The following TENM3 variants were observed in gnomAD, a reference collection of about 807,000 sequenced individuals.
The protein encoded by TENM3 is teneurin-3.
Under a neutral mutation model 255.1 loss-of-function variants are expected in TENM3, and 63 were observed. The observed-to-expected ratio is 0.25, with a 90% CI of 0.20 to 0.30. TENM3 has a LOEUF of 0.30. TENM3 is among the 10% of genes least tolerant of loss of function. TENM3 has a pLI of 1.00. For missense variants in TENM3, 2,929 were observed against 3,461.1 expected, an observed-to-expected ratio of 0.85 and a Z score of 3.86; for synonymous variants, 1,306 against 1,322.3, an observed-to-expected ratio of 0.99 and a Z score of 0.27.
At position 182,202,944 on chromosome 4, in the gene TENM3, G is replaced by A. The variant is rs543372274; in HGVS notation, c.-76+58190G>A. On this transcript the variant is annotated intron_variant, in intron 1 of 2. Coordinates refer to the TENM3 transcript ENST00000512480. ...ATGAAAATGGGCTCAGGCCGGGTGC[G>A]GTGGCTCAAGCCTGTAATCCCAGCA... Among the ~76,000 whole-genome samples, 8 of 152,136 alleles carry A rather than the reference G, an allele frequency of 5.3e-5. No homozygotes were observed. The South Asian group carries it at 6.2e-4, about 12-fold the overall frequency.
rs761984072 is a variant in TENM3 at position 182,792,664 on chromosome 4, C to T, written c.5992C>T (p.Pro1998Ser). 1 of 1,613,796 alleles carries T rather than the reference C, an allele frequency of 6.2e-7. No individual in the cohort carries two copies. The highest frequency in any genetic ancestry group is 1.3e-5 in the African/African-American group (1 of 74,906). ...CACCATTAGATACAGGCAAATTGGT[C>T]CCCTGATTGACAGGCAGATTTTCCG... ...ICTIRYRQIGPLIDRQIFRFS... is the reference protein window; with the variant it reads ...ICTIRYRQIGSLIDRQIFRFS... The change falls in exon 26 of 28, where the codon CCC (proline) becomes TCC (serine). Residue 1998 changes from proline to serine, a missense_variant. Physicochemically the swap from Pro to Ser is moderately conservative, Grantham distance 74 (BLOSUM62 -1). Coordinates refer to ENST00000511685, the MANE Select transcript of TENM3 (RefSeq NM_001080477.4). This position sits in a 1 kb window ranked among gnomAD's most constrained non-coding sequence, Gnocchi z 6.3.
chr4:182,240,844 A>G (rs1757207626), upstream of TENM3, among the ~76,000 whole-genome samples: 1 of 152,178 alleles, frequency 6.6e-6, no homozygotes, highest in African/African-American at 2.4e-5. Context: ...TCATAGGATT[A>G]CTGTATTACA....
intron 3 of TENM3, among the ~76,000 whole-genome samples, chr4:182,474,623 T>C (rs1733488589): frequency 6.6e-6 from 1 of 152,182 alleles, no homozygotes; most frequent in Non-Finnish European, 1.5e-5. Flanking sequence ...TTTGCTTCTT[T>C]AGAGGTTTAA....
At chr4:181,915,076 G>C in the TENM3 span, among the ~76,000 whole-genome samples, 1 of 152,142 alleles carries the variant, frequency 6.6e-6, no homozygotes, top group East Asian at 1.9e-4. Context: ...AAAATTGTCA[G>C]TGGTTGGAGG....
At position 182,687,377 on chromosome 4, in the gene TENM3, A is replaced by AT. The variant is rs201727971; in HGVS notation, c.2036-781dup. On this transcript the variant is annotated intron_variant, in intron 11 of 27. Transcript: ENST00000511685. Reference sequence around the variant, plus strand: ...AATAAAGCTTTTAAGAAAGCTTAAAATTTTTTTTCTTACACATCTGAATTC... The same window carrying AT: ...AATAAAGCTTTTAAGAAAGCTTAAAATTTTTTTTTCTTACACATCTGAATTC... Among the ~76,000 whole-genome samples the AT allele has an allele frequency of 4.3e-3, 648 of 152,116 alleles. 4 individuals carry two copies. The highest frequency in any genetic ancestry group is 8.7e-3 in the Admixed American group (133 of 15,278).
At chr4:182,022,325 ACT>A in the TENM3 span, among the ~76,000 whole-genome samples, 97 of 152,300 alleles carry the variant, frequency 6.4e-4, no homozygotes, top group Admixed American at 5.0e-3. Flanking sequence ...GCATGTTCTC[ACT>A]TATAAGTGGA....
At chr4:181,989,224 C>T in the TENM3 span, among the ~76,000 whole-genome samples, 2,904 of 152,010 alleles carry the variant, frequency 0.019, 273 homozygotes, top group East Asian at 0.33. Context: ...GGAAAAGCAA[C>T]GGTCCAGAAA....
chr4:181,950,495 A>G, the TENM3 span, among the ~76,000 whole-genome samples: 30 of 152,128 alleles, frequency 2.0e-4, no homozygotes, highest in Non-Finnish European at 4.3e-4. Context: ...ATGTTACACC[A>G]TATTAATTGA....
chr4:182,201,883 G>C (rs901017353), intron 1 of TENM3, among the ~76,000 whole-genome samples: 1 of 152,174 alleles, frequency 6.6e-6, no homozygotes, highest in Non-Finnish European at 1.5e-5. Flanking sequence ...AAATGTTAAA[G>C]AGTCTTTTAG....
chr4:182,111,380 G>T, the TENM3 span, among the ~76,000 whole-genome samples: 2 of 151,934 alleles, frequency 1.3e-5, no homozygotes, highest in Non-Finnish European at 2.9e-5. Context: ...TTAATTCATG[G>T]ATCATAGACA....
At chr4:181,907,204 A>C in the TENM3 span, among the ~76,000 whole-genome samples, 1 of 152,314 alleles carries the variant, frequency 6.6e-6, no homozygotes, top group South Asian at 2.1e-4. Context: ...TCTGTCATTA[A>C]AGAAAAAATG....
intron 3 of TENM3, among the ~76,000 whole-genome samples, chr4:182,544,075 C>A (rs1741171176): frequency 6.6e-6 from 1 of 152,040 alleles, no homozygotes; most frequent in African/African-American, 2.4e-5. Flanking sequence ...CTCAATGTTT[C>A]CTGACAAATA....
chr4:182,720,246 G>T (rs1227058072), intron 13 of TENM3, among the ~76,000 whole-genome samples: 1 of 151,962 alleles, frequency 6.6e-6, no homozygotes, highest in African/African-American at 2.4e-5. Context: ...TTTGAAAATA[G>T]AATTTTTAAA....
At chr4:182,745,520 A>G (rs957494011) in intron 19 of TENM3, among the ~76,000 whole-genome samples, 3 of 152,210 alleles carry the variant, frequency 2.0e-5, no homozygotes, top group Admixed American at 6.5e-5. Context: ...CATGCCGGGC[A>G]TGGTGCCAGA....
the TENM3 span, among the ~76,000 whole-genome samples, chr4:181,824,139 C>T: frequency 3.4e-3 from 512 of 152,088 alleles, 3 homozygotes; most frequent in Middle Eastern, 0.017. Context: ...TCTCACTCTG[C>T]CACTCAGGCT....
intron 3 of TENM3, among the ~76,000 whole-genome samples, chr4:182,367,362 G>T (rs1433909672): frequency 6.6e-6 from 1 of 152,154 alleles, no homozygotes; most frequent in Non-Finnish European, 1.5e-5. Context: ...TGTGAACGTT[G>T]TGCCAAGAGG....
the TENM3 span, among the ~76,000 whole-genome samples, chr4:181,504,410 T>C: frequency 2.6e-5 from 4 of 152,210 alleles, no homozygotes; most frequent in Non-Finnish European, 4.4e-5. Flanking sequence ...AAGGAACCAG[T>C]GCAGAAGAAA....
intron 16 of TENM3, among the ~76,000 whole-genome samples, chr4:182,731,697 GTGTGTGTGTGTGTGTGTGT>G (rs1760737063): frequency 5.2e-5 from 4 of 76,510 alleles, no homozygotes; most frequent in South Asian, 4.6e-4. Context: ...GTGTTGGGGT[GTGTGTGTGTGTGTGTGTGT>G]GTGTGTGTGT....
the TENM3 span, among the ~76,000 whole-genome samples, chr4:181,951,765 T>G: frequency 2.0e-5 from 3 of 152,224 alleles, no homozygotes; most frequent in Non-Finnish European, 2.9e-5. Context: ...CTTAAGTTAC[T>G]TACAGTTACA....
Sources: gnomAD v4.1 joint callset for allele counts (sites outside exome capture counted in the v4.1 genomes callset) on GRCh38, gnomAD v4.1.1 for gene constraint, Gnocchi (gnomAD v3.1) non-coding constraint, MANE v1.5 for transcripts, NCBI Gene and HGNC (gene_info 2026-07-23, HGNC 2026-07-21) for gene names.